EEF1E1: variants seen among roughly 807,000 people sequenced by gnomAD.
EEF1E1 encodes the protein eukaryotic translation elongation factor 1 epsilon-1.
In EEF1E1, 19 loss-of-function variants were observed where a neutral mutation model predicts 19.9. That is an observed-to-expected ratio of 0.95 (90% CI 0.66 to 1.40). EEF1E1 has a LOEUF of 1.40. EEF1E1 is among the 40% of genes most tolerant of loss of function. EEF1E1 has a pLI of 0.00. For missense variants in EEF1E1, 198 were observed against 202.2 expected, an observed-to-expected ratio of 0.98 and a Z score of 0.13; for synonymous variants, 81 against 80.0, an observed-to-expected ratio of 1.01 and a Z score of -0.07.
chr6:8,073,389 TGTAGA>T, exon 4 of EEF1E1: 4 of 1,517,996 alleles, frequency 2.6e-6, no homozygotes, highest in Non-Finnish European at 2.7e-6. Context: ...TGGCACTCCA[TGTAGA>T]GTAGTTTACA....
In EEF1E1 at chr6:8,080,945, C is replaced by T. The variant is rs1757708838; in HGVS notation, c.385-915G>A. On this transcript the variant is annotated intron_variant, in intron 3 of 3. Coordinates refer to ENST00000379715, the MANE Select transcript of EEF1E1 (RefSeq NM_004280.5). ...AGACATTTTTAGTGAGATGAATGTC[C>T]TTTGCTTTTCAGCATTTAGCACATA... 2.0e-5 allele frequency among the ~76,000 whole-genome samples: 3 copies of T among 152,202 alleles called. No homozygotes were observed. In the South Asian group the frequency reaches 6.2e-4, roughly 32 times the overall value.
At chr6:8,078,688 T>TG (rs958082571), downstream of EEF1E1, 10 of 1,286,194 alleles carry the variant, frequency 7.8e-6, no homozygotes, top group Non-Finnish European at 1.0e-5. Context: ...GAGACAAACA[T>TG]GGGGGCCTGT....
downstream of EEF1E1, among the ~76,000 whole-genome samples, chr6:8,075,035 C>T (rs950364448): frequency 3.9e-5 from 6 of 152,152 alleles, no homozygotes; most frequent in African/African-American, 1.4e-4. Flanking sequence ...GCTTGGTGGC[C>T]TATTTCCTGT....
chr6:8,078,372 G>C (rs1757648288), downstream of EEF1E1: 2 of 172,312 alleles, frequency 1.2e-5, no homozygotes, highest in Non-Finnish European at 2.5e-5. Context: ...CATTTATTAA[G>C]TCTGAAGTCT....
downstream of EEF1E1, among the ~76,000 whole-genome samples, chr6:8,075,150 T>C (rs1485603083): frequency 6.6e-6 from 1 of 152,184 alleles, no homozygotes; most frequent in African/African-American, 2.4e-5. Context: ...GTGGCATGCT[T>C]ATAGCAGACC....
chr6:8,097,756 G>A (rs1047770910), intron 1 of EEF1E1, among the ~76,000 whole-genome samples: 17 of 152,108 alleles, frequency 1.1e-4, no homozygotes, highest in Admixed American at 1.1e-3. Context: ...TATGTACAAT[G>A]AGAGAAAATG....
downstream of EEF1E1, among the ~76,000 whole-genome samples, chr6:8,077,100 C>A (rs529493405): frequency 1.3e-5 from 2 of 152,202 alleles, no homozygotes; most frequent in Admixed American, 1.3e-4. Flanking sequence ...CCCGCCACCA[C>A]ACCCAGCTAA....
At chr6:8,090,358 A>G in intron 2 of EEF1E1, 77 bp from the exon 3 acceptor site, 1 of 1,086,842 alleles carries the variant, frequency 9.2e-7, no homozygotes, top group Non-Finnish European at 1.2e-6. Context: ...TCATGACTTA[A>G]AAGATTTAGG....
intron 3 of EEF1E1, among the ~76,000 whole-genome samples, chr6:8,086,897 T>C (rs1186970822): frequency 2.0e-5 from 3 of 152,088 alleles, no homozygotes; most frequent in Admixed American, 6.6e-5. Context: ...AAACAGCTTA[T>C]AATTTAGAGA....
At chr6:8,090,361 G>C (rs77336917) in intron 2 of EEF1E1, 80 bp from the exon 3 acceptor site, 84,495 of 1,047,250 alleles carry the variant, frequency 0.081, 3,806 homozygotes, top group Non-Finnish European at 0.09. Context: ...TGACTTAAAA[G>C]ATTTAGGCTA....
chr6:8,089,540 C>A (rs2113651528), intron 3 of EEF1E1, among the ~76,000 whole-genome samples: 2 of 152,268 alleles, frequency 1.3e-5, no homozygotes, highest in Middle Eastern at 6.8e-3. Flanking sequence ...CCAGTCTAAT[C>A]TTTTCATGTT....
intron 1 of EEF1E1, among the ~76,000 whole-genome samples, 168 bp downstream of exon 1, chr6:8,102,267 G>A (rs1469611002): frequency 6.6e-6 from 1 of 152,200 alleles, no homozygotes; most frequent in Non-Finnish European, 1.5e-5. Context: ...TAGGATGGCA[G>A]GGGCCGAGGC....
At chr6:8,091,870 G>A (rs1172252428) in intron 2 of EEF1E1, among the ~76,000 whole-genome samples, 1 of 152,146 alleles carries the variant, frequency 6.6e-6, no homozygotes. Flanking sequence ...ATTTTGTTCC[G>A]ATTCTCAAAT....
At chr6:8,095,447 G>C (rs1448119466) in intron 2 of EEF1E1, 1 of 350,536 alleles carries the variant, frequency 2.9e-6, no homozygotes, top group Non-Finnish European at 6.0e-6. Context: ...AGGTTGCAGT[G>C]AGCCAAGATT....
intron 1 of EEF1E1, chr6:8,101,669 T>C (rs1344877807): frequency 9.2e-7 from 1 of 1,087,692 alleles, no homozygotes; most frequent in Non-Finnish European, 1.2e-6. Flanking sequence ...AAAGTAGTCT[T>C]CCTACAACCA....
chr6:8,086,698 A>G (rs1226918961), intron 3 of EEF1E1, among the ~76,000 whole-genome samples: 1 of 152,240 alleles, frequency 6.6e-6, no homozygotes, highest in Non-Finnish European at 1.5e-5. Context: ...AAGAAGGCCA[A>G]TAACACTGGT....
intron 2 of EEF1E1, among the ~76,000 whole-genome samples, chr6:8,091,545 T>A (rs999729647): frequency 6.6e-6 from 1 of 152,210 alleles, no homozygotes; most frequent in African/African-American, 2.4e-5. Flanking sequence ...TTTGACATAG[T>A]CCAATTTATC....
At chr6:8,089,714 T>C (rs1757964185) in intron 3 of EEF1E1, among the ~76,000 whole-genome samples, 1 of 152,190 alleles carries the variant, frequency 6.6e-6, no homozygotes, top group African/African-American at 2.4e-5. Context: ...TACAATCAAG[T>C]TGACGCTCAG....
At chr6:8,078,710 T>A (rs1757656437), downstream of EEF1E1, 7 of 1,286,308 alleles carry the variant, frequency 5.4e-6, no homozygotes, top group Non-Finnish European at 7.1e-6. Flanking sequence ...ACAATCCTCA[T>A]TTTCTTATAA....
Sources: gnomAD v4.1 joint callset for allele counts (sites outside exome capture counted in the v4.1 genomes callset) on GRCh38, gnomAD v4.1.1 for gene constraint, MANE v1.5 for transcripts, NCBI Gene and HGNC (gene_info 2026-07-23, HGNC 2026-07-21) for gene names.